The following TNRC6C variants were observed in gnomAD, a reference collection of about 807,000 sequenced individuals.
TNRC6C encodes the protein trinucleotide repeat-containing gene 6C protein.
Under a neutral mutation model 153.7 loss-of-function variants are expected in TNRC6C, and 20 were observed. That is an observed-to-expected ratio of 0.13 (90% confidence interval 0.09 to 0.19). The LOEUF (loss-of-function observed/expected upper bound fraction) is 0.19. Ranked by LOEUF, TNRC6C falls within the 10% of genes least tolerant of loss-of-function variation. The pLI, the probability that TNRC6C is intolerant of heterozygous loss-of-function variation, is 1.00. For missense variants in TNRC6C, 1,987 were observed against 2,172.0 expected (o/e 0.91, Z 1.69); for synonymous variants, 811 against 841.4 (o/e 0.96, Z 0.63).
exon 20 of TNRC6C, chr17:78,105,218 G>A (rs1047885666): frequency 5.5e-6 from 1 of 182,862 alleles, no homozygotes; most frequent in African/African-American, 2.3e-5. Context: ...GTGGGGGAGG[G>A]AGGGAGACGT....
upstream of TNRC6C, among the ~76,000 whole-genome samples, chr17:78,001,565 G>C (rs2071412409): frequency 6.6e-6 from 1 of 152,214 alleles, no homozygotes; most frequent in Non-Finnish European, 1.5e-5. Flanking sequence ...GGACATCTCA[G>C]TAGGGGGAGG....
chr17:78,086,334 A>T (rs1328363782), intron 11 of TNRC6C, among the ~76,000 whole-genome samples, 169 bp from the exon 14 acceptor site: 1 of 95,490 alleles, frequency 1.0e-5, no homozygotes, highest in East Asian at 4.9e-4. Flanking sequence ...CATCTAAAAA[A>T]AAAAAAAAAA....
intron 1 of TNRC6C, among the ~76,000 whole-genome samples, chr17:77,996,581 G>C (rs2071332023): frequency 6.6e-6 from 1 of 152,200 alleles, no homozygotes; most frequent in African/African-American, 2.4e-5. Context: ...AAAGCACTGA[G>C]ATACCAGGCT....
At chr17:77,976,941 A>AAC (rs2071007620) in intron 1 of TNRC6C, among the ~76,000 whole-genome samples, 1 of 148,628 alleles carries the variant, frequency 6.7e-6, no homozygotes, top group African/African-American at 2.5e-5. Context: ...GAAAAAAAAA[A>AAC]AAAAAAAAAA....
exon 20 of TNRC6C, chr17:78,107,904 T>C (rs935970796): frequency 6.6e-6 from 1 of 152,186 alleles, no homozygotes; most frequent in Non-Finnish European, 1.5e-5. Context: ...ATTTTATGCA[T>C]CTATTTTTGT....
At chr17:78,047,545 T>C (rs2072436377) in intron 2 of TNRC6C, among the ~76,000 whole-genome samples, 1 of 151,970 alleles carries the variant, frequency 6.6e-6, no homozygotes, top group African/African-American at 2.4e-5. Flanking sequence ...CTAATGCTAA[T>C]TTTTTTTGCA....
At chr17:78,002,187 A>G (rs551090300), upstream of TNRC6C, among the ~76,000 whole-genome samples, 8 of 152,308 alleles carry the variant, frequency 5.3e-5, no homozygotes, top group Admixed American at 5.2e-4. Context: ...TGATCATATC[A>G]GAAAATAAAG....
At position 78,049,519 on chromosome 17, in the gene TNRC6C, A is replaced by G. The variant is rs2072477164; in HGVS notation, c.457A>G (p.Asn153Asp). Reference sequence around the variant, plus strand: ...AACAGGCACTTTAGGTGCTTGGGGAAACTTGCTGCCACAAGAGAGCACAGA... The same window carrying G: ...AACAGGCACTTTAGGTGCTTGGGGAGACTTGCTGCCACAAGAGAGCACAGA... Residue 153 changes from asparagine to aspartate, a missense_variant, in exon 3 of 20, where the codon AAC (asparagine) becomes GAC (aspartate). Physicochemically the swap from Asn to Asp is conservative, Grantham distance 23 (BLOSUM62 1). Around this residue, in one of 4 missense-constraint regions of TNRC6C, gnomAD observed 1,052 missense variants for 1,017.0 expected, o/e 1.03. Coordinates refer to ENST00000301624, the Ensembl canonical transcript of TNRC6C. This position sits in a 1 kb window ranked among gnomAD's most constrained non-coding sequence, Gnocchi z 4.1. 6.2e-7 allele frequency: 1 copy of G among 1,613,938 alleles called. No homozygotes were observed. The highest frequency in any genetic ancestry group is 8.5e-7 in the Non-Finnish European group (1 of 1,179,906).
chr17:77,957,577 A>G (rs1373657519), upstream of TNRC6C, among the ~76,000 whole-genome samples: 3 of 152,226 alleles, frequency 2.0e-5, no homozygotes, highest in African/African-American at 7.2e-5. Flanking sequence ...CCTCTTCAAG[A>G]CAGGGACACG....
In TNRC6C at chr17:78,075,125, T is replaced by C; in HGVS notation, c.2918-11T>C. 1 of 1,612,724 alleles carries C rather than the reference T, an allele frequency of 6.2e-7. No homozygotes were observed. On this transcript the variant is annotated splice_polypyrimidine_tract_variant and intron_variant, in intron 7 of 19. Coordinates refer to ENST00000301624, the Ensembl canonical transcript of TNRC6C. This position sits in a 1 kb window ranked among gnomAD's most constrained non-coding sequence, Gnocchi z 4.2. ...TTGTTTACAACATTGCTTCTGTTTG[T>C]TGTGCTCCAGGCGCTCTGCTGGAAA...
At chr17:78,081,696 A>G (rs1164865114) in intron 10 of TNRC6C, among the ~76,000 whole-genome samples, 1 of 152,136 alleles carries the variant, frequency 6.6e-6, no homozygotes, top group African/African-American at 2.4e-5. Flanking sequence ...TGTACACACC[A>G]CTTCCAGTCA....
rs757602515 is a variant in TNRC6C at position 78,104,468 on chromosome 17, C to G, written c.4713-17C>G. On this transcript the variant is annotated splice_polypyrimidine_tract_variant and intron_variant, in intron 19 of 19. Transcript: ENST00000301624. This position sits in a 1 kb window ranked among gnomAD's most constrained non-coding sequence, Gnocchi z 6.2. ...CTTGGGGTGGCCCTGTTCACGTGCC[C>G]CATCTTGCTGTTGCAGGTGCGTCCT... 6.8e-6 allele frequency: 10 copies of G among 1,477,454 alleles called. No homozygotes were observed. The African/African-American group carries it at 1.3e-4, about 19-fold the overall frequency. 91.5% of individuals were successfully genotyped at this position (1,477,454 alleles called of 1,614,324 possible).
chr17:78,045,861 CTG>C (rs1209018033), intron 2 of TNRC6C, among the ~76,000 whole-genome samples: 2 of 151,446 alleles, frequency 1.3e-5, no homozygotes, highest in Admixed American at 6.6e-5. Flanking sequence ...AATAATATAA[CTG>C]TGTTCACAAT....
chr17:77,992,066 G>T (rs953127372), intron 1 of TNRC6C, among the ~76,000 whole-genome samples: 4 of 152,202 alleles, frequency 2.6e-5, no homozygotes, highest in African/African-American at 9.6e-5. Flanking sequence ...TCCGAGCCCA[G>T]TGCTGAGTAA....
At position 78,088,633 on chromosome 17, in the gene TNRC6C, T is replaced by TC. The variant is rs560857433; in HGVS notation, c.3802+1540_3802+1541insC. 9.4e-4 allele frequency among the ~76,000 whole-genome samples: 137 copies of TC among 146,030 alleles called. 1 individual carries two copies. Among genetic ancestry groups the TC allele is most frequent in the African/African-American group, 3.2e-3 (128 of 39,910 alleles). ...CTTTTTTCTTTTTTTTTTCTCTCTC[T>TC]TTTTTTTTTTGGCTGGAGTGCAGTG... On this transcript the variant is annotated intron_variant, in intron 13 of 19. Coordinates refer to ENST00000301624, the Ensembl canonical transcript of TNRC6C.
intron 1 of TNRC6C, among the ~76,000 whole-genome samples, chr17:77,979,622 T>C (rs192690043): frequency 2.6e-4 from 40 of 152,174 alleles, no homozygotes; most frequent in Non-Finnish European, 3.8e-4. Context: ...ATACTTATAA[T>C]TGGAATCTCG....
chr17:78,044,966 C>T lies in TNRC6C; in HGVS notation c.-218-3879C>T, dbSNP rs550235998. Among the ~76,000 whole-genome samples the T allele has an allele frequency of 8.4e-4, 128 of 152,292 alleles. 2 individuals are homozygous for T. The highest frequency in any genetic ancestry group is 2.9e-3 in the African/African-American group (120 of 41,546). On this transcript the variant is annotated intron_variant, in intron 2 of 19. Transcript: ENST00000301624. ...GACATTGAGCCCAGGCAGGGGATGG[C>T]ACCTTTAACAGCCCTGTCTTTGGGA... is the stretch of plus-strand genomic sequence containing the variant.
chr17:77,969,446 C>T (rs867697676), intron 1 of TNRC6C, among the ~76,000 whole-genome samples: 1 of 151,942 alleles, frequency 6.6e-6, no homozygotes, highest in Non-Finnish European at 1.5e-5. Context: ...GACGGGGTTT[C>T]ACCATGTTGG....
chr17:78,007,721 C>G (rs992003630), intron 1 of TNRC6C, among the ~76,000 whole-genome samples: 1 of 152,182 alleles, frequency 6.6e-6, no homozygotes, highest in Non-Finnish European at 1.5e-5. Flanking sequence ...GTTGGATACT[C>G]TTAAGAGAGA....
Sources: gnomAD v4.1 joint callset for allele counts (sites outside exome capture counted in the v4.1 genomes callset) on GRCh38, gnomAD v4.1.1 for gene constraint, gnomAD v4.1.1 regional missense constraint, Gnocchi (gnomAD v3.1) non-coding constraint, MANE v1.5 for transcripts, NCBI Gene and HGNC (gene_info 2026-07-23, HGNC 2026-07-21) for gene names.